Variants in SLC38A1 observed in about 807,000 individuals in gnomAD.
The protein encoded by SLC38A1 is solute carrier family 38 member 1.
A neutral mutation model predicts 60.3 loss-of-function variants in SLC38A1; 18 were observed. The ratio of observed to expected loss-of-function variants is 0.30; its 90% CI spans 0.21 to 0.44. The LOEUF (loss-of-function observed/expected upper bound fraction) is 0.44. Ranked by LOEUF, SLC38A1 falls within the 20% of genes least tolerant of loss-of-function variation. SLC38A1 has a pLI of 1.00. For missense variants in SLC38A1, 448 were observed against 587.2 expected (o/e 0.76, Z 2.45); for synonymous variants, 196 against 212.1 (o/e 0.92, Z 0.66).
chr12:46,246,439 C>A (rs534352471), intron 1 of SLC38A1, among the ~76,000 whole-genome samples: 3 of 152,368 alleles, frequency 2.0e-5, no homozygotes, highest in Admixed American at 6.5e-5. Flanking sequence ...TGCCAGGCAG[C>A]AACCTGGCAG....
Position 46,207,255 on chromosome 12 carries a change from AT to A in SLC38A1, c.482-20del. The A allele has an allele frequency of 6.3e-7, 1 of 1,595,532 alleles. No homozygotes were observed. The highest frequency in any genetic ancestry group is 8.6e-7 in the Non-Finnish European group (1 of 1,166,022). On this transcript the variant is annotated intron_variant, in intron 7 of 16. Coordinates refer to ENST00000398637, the MANE Select transcript of SLC38A1 (RefSeq NM_030674.4). ...AGCATTGCTGAAGGAAAATGAGAAC[AT>A]TTTTAGAAAGAAGATACGAAGGCTT...
At position 46,184,700 on chromosome 12, in the gene SLC38A1, C is replaced by T. The variant is rs888162489; in HGVS notation, c.*4270G>A. On this transcript the variant is annotated 3_prime_UTR_variant, in exon 17 of 17. Coordinates refer to ENST00000398637, the MANE Select transcript of SLC38A1 (RefSeq NM_030674.4). ...TAAAAGGAGGACAGGATTATCACCA[C>T]ACGATTAACACAAACACTGGAGAAC... is the stretch of plus-strand genomic sequence containing the variant. 6.6e-6 allele frequency: 1 copy of T among 152,202 alleles called. No individual in the cohort carries two copies. The highest frequency in any genetic ancestry group is 1.5e-5 in the Non-Finnish European group (1 of 68,042). 9.4% of individuals were successfully genotyped at this position (152,202 alleles called of 1,614,324 possible).
chr12:46,233,191 T>TA (rs1178341602), intron 3 of SLC38A1, among the ~76,000 whole-genome samples: 1 of 151,790 alleles, frequency 6.6e-6, no homozygotes. Flanking sequence ...GCTTATCTTT[T>TA]AAAAAAAATT....
chr12:46,267,477 A>T (rs975658484), intron 1 of SLC38A1: 1 of 152,362 alleles, frequency 6.6e-6, no homozygotes, highest in African/African-American at 2.4e-5. Flanking sequence ...TTGCTGCCAT[A>T]TGCACTTGTG....
intron 13 of SLC38A1, among the ~76,000 whole-genome samples, chr12:46,199,676 C>T (rs1477764884): frequency 6.6e-6 from 1 of 151,966 alleles, no homozygotes; most frequent in African/African-American, 2.4e-5. Context: ...CTACTTTGAA[C>T]TTTTTCTCAA....
chr12:46,255,258 A>G (rs891575495), intron 1 of SLC38A1, among the ~76,000 whole-genome samples: 2 of 152,232 alleles, frequency 1.3e-5, no homozygotes, highest in Non-Finnish European at 2.9e-5. Flanking sequence ...ACGATTGACT[A>G]GGAAATTTGG....
chr12:46,253,906 T>C (rs1008957228), intron 1 of SLC38A1, among the ~76,000 whole-genome samples: 1 of 152,132 alleles, frequency 6.6e-6, no homozygotes, highest in South Asian at 2.1e-4. Context: ...AGAGACGCGC[T>C]CAGTCAGAAA....
intron 1 of SLC38A1, among the ~76,000 whole-genome samples, chr12:46,259,771 T>G (rs1942143091): frequency 1.3e-5 from 2 of 152,146 alleles, no homozygotes; most frequent in Admixed American, 1.3e-4. Flanking sequence ...AGGACCTTGT[T>G]TCTCTACTTC....
chr12:46,218,848 A>T (rs903127660), intron 5 of SLC38A1, among the ~76,000 whole-genome samples: 6 of 152,036 alleles, frequency 3.9e-5, no homozygotes, highest in Non-Finnish European at 8.8e-5. Flanking sequence ...GGGTGAAGTA[A>T]GATTTTCTTG....
chr12:46,221,479 C>CA (rs1391270718), intron 5 of SLC38A1, among the ~76,000 whole-genome samples: 1 of 152,136 alleles, frequency 6.6e-6, no homozygotes, highest in Non-Finnish European at 1.5e-5. Flanking sequence ...ATCACATCTC[C>CA]ACAGCCTACT....
intron 11 of SLC38A1, 86 bp downstream of exon 11, chr12:46,204,215 T>C (rs1939788734): frequency 2.3e-6 from 2 of 858,220 alleles, no homozygotes; most frequent in Non-Finnish European, 4.0e-6. Context: ...AACTAATACA[T>C]TCAAACCAGT....
intron 1 of SLC38A1, among the ~76,000 whole-genome samples, chr12:46,256,460 G>GGAT (rs1216358380): frequency 6.6e-6 from 1 of 151,950 alleles, no homozygotes; most frequent in Non-Finnish European, 1.5e-5. Context: ...AGAAGACAAA[G>GGAT]GATGATCCCT....
chr12:46,186,637 T>A lies in SLC38A1; in HGVS notation c.*2333A>T, dbSNP rs536362888. 1 of 152,302 alleles carries A rather than the reference T, an allele frequency of 6.6e-6. No individual in the cohort carries two copies. The highest frequency in any genetic ancestry group is 2.4e-5 in the African/African-American group (1 of 41,554). The allele number at this position is 152,302 out of a possible 1,614,324, so 9.4% of individuals were successfully genotyped here. The stretch of plus-strand genomic sequence containing the variant: ...AGTCAACAACAAATTTAGAGAAACA[T>A]ACAAAGGTTTTTAAAAATATGGGTG... On this transcript the variant is annotated 3_prime_UTR_variant, in exon 17 of 17. Transcript: ENST00000398637.
In SLC38A1 at chr12:46,202,230, A is replaced by C. The variant is rs114478463; in HGVS notation, c.902+780T>G. On this transcript the variant is annotated intron_variant, in intron 12 of 16. Transcript: ENST00000398637. ...TAAATAAAGAAAAATTGAGAAGTAT[A>C]CGCTTGAGAAAATTAAAAACTAAAA... Among the ~76,000 whole-genome samples the C allele has an allele frequency of 9.8e-3, 1,482 of 151,962 alleles. 22 individuals are homozygous for C. The highest frequency in any genetic ancestry group is 0.033 in the African/African-American group (1,356 of 41,412).
intron 5 of SLC38A1, among the ~76,000 whole-genome samples, chr12:46,220,692 C>T (rs578022311): frequency 1.3e-5 from 2 of 152,124 alleles, no homozygotes; most frequent in Non-Finnish European, 2.9e-5. Flanking sequence ...GTCATTCAAC[C>T]TTTTTGGCAT....
At position 46,249,141 on chromosome 12, in the gene SLC38A1, G is replaced by C. The variant is rs1941737420; in HGVS notation, c.-208-5827C>G. Among the ~76,000 whole-genome samples, 3 of 121,040 alleles carry C rather than the reference G, an allele frequency of 2.5e-5. No individual in the cohort carries two copies. In the South Asian group the frequency reaches 8.9e-4, roughly 36 times the overall value. 79.4% of individuals were successfully genotyped at this position (121,040 alleles called of 152,430 possible). On this transcript the variant is annotated intron_variant, in intron 1 of 16. Transcript: ENST00000398637. ...ACTGCACTCCAGACAGGGTGATAGA[G>C]TGAGACTCCGCCTCAAAAAAAAAAA... is the stretch of plus-strand genomic sequence containing the variant.
At chr12:46,264,854 A>G (rs771367277) in intron 1 of SLC38A1, among the ~76,000 whole-genome samples, 2 of 152,148 alleles carry the variant, frequency 1.3e-5, no homozygotes, top group Non-Finnish European at 2.9e-5. Flanking sequence ...GAAGTCTGTC[A>G]CACATTCTTC....
chr12:46,207,669 A>G (rs1278767807), intron 6 of SLC38A1, 48 bp from the exon 7 acceptor site: 1 of 1,532,382 alleles, frequency 6.5e-7, no homozygotes. Flanking sequence ...AGGGTTCAGA[A>G]AGTTAAAATA....
At chr12:46,261,855 C>T (rs1010905374) in intron 1 of SLC38A1, among the ~76,000 whole-genome samples, 5 of 152,156 alleles carry the variant, frequency 3.3e-5, no homozygotes, top group African/African-American at 1.2e-4. Context: ...CCTCTCCCTG[C>T]CCCCAGGAGG....
Sources: gnomAD v4.1 joint callset for allele counts (sites outside exome capture counted in the v4.1 genomes callset) on GRCh38, gnomAD v4.1.1 for gene constraint, MANE v1.5 for transcripts, NCBI Gene and HGNC (gene_info 2026-07-23, HGNC 2026-07-21) for gene names.